The following DRICH1 variants were observed in gnomAD, a reference collection of about 807,000 sequenced individuals.
DRICH1 encodes aspartate-rich protein 1.
DRICH1 carries 38 observed loss-of-function variants against 39.5 expected under a neutral mutation model. The observed-to-expected ratio is 0.96, with a 90% CI of 0.74 to 1.26. The LOEUF is 1.26. Ranked by LOEUF, DRICH1 falls within the 50% of genes most tolerant of loss-of-function variation. The pLI is 0.00. For missense variants in DRICH1, 279 were observed against 270.4 expected (o/e 1.03, Z -0.22); for synonymous variants, 84 against 99.5 (o/e 0.84, Z 0.93).
At chr22:23,619,983 C>A (rs939089601) in intron 5 of DRICH1, among the ~76,000 whole-genome samples, 4 of 152,150 alleles carry the variant, frequency 2.6e-5, no homozygotes, top group African/African-American at 7.2e-5. Context: ...CTGTGTCCCA[C>A]ACCAAAGACT....
At chr22:23,585,098 CCT>C in the DRICH1 span, among the ~76,000 whole-genome samples, 1 of 150,942 alleles carries the variant, frequency 6.6e-6, no homozygotes, top group Non-Finnish European at 1.5e-5. Context: ...TCTTTTTTTT[CCT>C]CTCTCTCTCC....
chr22:23,606,411 TC>T (rs1329137219), downstream of DRICH1, among the ~76,000 whole-genome samples: 1 of 152,070 alleles, frequency 6.6e-6, no homozygotes, highest in Admixed American at 6.6e-5. Context: ...ATGCCCCCCT[TC>T]CCATAGAGCC....
intron 9 of DRICH1, 37 bp from the exon 10 acceptor site, chr22:23,613,697 A>G: frequency 2.0e-6 from 3 of 1,513,758 alleles, no homozygotes. Flanking sequence ...TGAAAATCAG[A>G]TTCTGCTGTG....
intron 3 of DRICH1, among the ~76,000 whole-genome samples, chr22:23,622,842 C>T (rs114861163): frequency 0.012 from 1,751 of 152,256 alleles, 39 homozygotes; most frequent in African/African-American, 0.039. Flanking sequence ...CCGTAAAGAT[C>T]AGGTTTCATT....
At chr22:23,613,974 A>G (rs977966314) in intron 9 of DRICH1, among the ~76,000 whole-genome samples, 161 bp downstream of exon 9, 2 of 152,244 alleles carry the variant, frequency 1.3e-5, no homozygotes, top group African/African-American at 4.8e-5. Flanking sequence ...TGGACCACAT[A>G]TAAGTTGGGA....
At chr22:23,606,808 G>A (rs1926757330), downstream of DRICH1, among the ~76,000 whole-genome samples, 1 of 152,146 alleles carries the variant, frequency 6.6e-6, no homozygotes, top group Non-Finnish European at 1.5e-5. Context: ...CCCTCCCTGG[G>A]TCCTCTGCGC....
At chr22:23,583,931 C>G in the DRICH1 span, 1 of 152,632 alleles carries the variant, frequency 6.6e-6, no homozygotes, top group African/African-American at 2.4e-5. Flanking sequence ...CCCCCAAGGA[C>G]AGCCCCAGGT....
At chr22:23,606,941 C>T (rs1471603081), downstream of DRICH1, 1 of 152,682 alleles carries the variant, frequency 6.5e-6, no homozygotes, top group Admixed American at 6.5e-5. Context: ...CCTGTCAAAC[C>T]CACCAAGTTG....
At chr22:23,604,535 G>A (rs539291903), downstream of DRICH1, among the ~76,000 whole-genome samples, 1 of 152,268 alleles carries the variant, frequency 6.6e-6, no homozygotes, top group South Asian at 2.1e-4. Flanking sequence ...TCCTTGCCTA[G>A]AAGTCCCTGC....
chr22:23,624,127 A>G (rs1927924256), intron 3 of DRICH1: 2 of 984,988 alleles, frequency 2.0e-6, no homozygotes, highest in African/African-American at 3.5e-5. Context: ...GCAAGCACAG[A>G]CAAATGAATG....
downstream of DRICH1, among the ~76,000 whole-genome samples, chr22:23,605,111 C>T (rs1168475733): frequency 6.6e-6 from 1 of 152,154 alleles, no homozygotes; most frequent in Non-Finnish European, 1.5e-5. Context: ...ACTATGAGGT[C>T]ACTGAGATGG....
chr22:23,612,432 A>C (rs1374354080), intron 11 of DRICH1, among the ~76,000 whole-genome samples: 1 of 140,968 alleles, frequency 7.1e-6, no homozygotes, highest in Non-Finnish European at 1.5e-5. Context: ...GCACCACTGC[A>C]CTCCAGCCTG....
At chr22:23,617,239 G>A (rs1927409835) in intron 7 of DRICH1, among the ~76,000 whole-genome samples, 1 of 152,152 alleles carries the variant, frequency 6.6e-6, no homozygotes, top group African/African-American at 2.4e-5. Flanking sequence ...CTCACAAAGA[G>A]AATTGTGTAT....
rs1202155690 is a variant in DRICH1, at chr22:23,608,760, G to A, written c.*4C>T. 6.4e-7 allele frequency: 1 copy of A among 1,560,278 alleles called. No individual in the cohort carries two copies. Among genetic ancestry groups the A allele is most frequent in the Non-Finnish European group, 8.7e-7 (1 of 1,150,742 alleles). On this transcript the variant is annotated 3_prime_UTR_variant, in exon 12 of 12. Coordinates refer to ENST00000317749, the MANE Select transcript of DRICH1 (RefSeq NM_016449.4). ...AGCACCCTGGTCAGCTCCACAGAAGGGCTTCACCCTGGATGAAGAGATAAT... is the reference window on the plus strand; with the variant it reads ...AGCACCCTGGTCAGCTCCACAGAAGAGCTTCACCCTGGATGAAGAGATAAT...
chr22:23,627,897 G>A (rs1049444993), intron 1 of DRICH1, among the ~76,000 whole-genome samples: 7 of 152,120 alleles, frequency 4.6e-5, no homozygotes, highest in South Asian at 2.1e-4. Flanking sequence ...CTCATCCCAG[G>A]GGTGTGTTCA....
the DRICH1 span, among the ~76,000 whole-genome samples, chr22:23,585,095 T>C: frequency 6.6e-6 from 1 of 152,194 alleles, no homozygotes; most frequent in Admixed American, 6.6e-5. Flanking sequence ...CTTTCTTTTT[T>C]TTCCTCTCTC....
chr22:23,593,575 C>T, the DRICH1 span, among the ~76,000 whole-genome samples: 1 of 152,146 alleles, frequency 6.6e-6, no homozygotes, highest in African/African-American at 2.4e-5. Context: ...CCAAGGCAGG[C>T]GAATCACAAG....
At chr22:23,585,040 C>G in the DRICH1 span, among the ~76,000 whole-genome samples, 470 of 152,302 alleles carry the variant, frequency 3.1e-3, 3 homozygotes, top group African/African-American at 0.01. Context: ...AATTTTGTTT[C>G]TTGAGTTCCC....
chr22:23,631,071 T>G (rs1928356584), intron 1 of DRICH1: 1 of 152,008 alleles, frequency 6.6e-6, no homozygotes, highest in African/African-American at 2.4e-5. Context: ...ATGGCACACT[T>G]TTACCTACGT....
Sources: allele counts gnomAD v4.1 joint callset (sites outside exome capture counted in the v4.1 genomes callset), GRCh38; gene constraint gnomAD v4.1.1; transcripts MANE v1.5; gene names NCBI Gene and HGNC (gene_info 2026-07-23, HGNC 2026-07-21).